GPHN: variants seen among roughly 807,000 people sequenced by gnomAD.
GPHN encodes gephyrin.
Under a neutral mutation model 95.5 loss-of-function variants are expected in GPHN, and 17 were observed. That is an observed-to-expected ratio of 0.18 (90% CI 0.12 to 0.27). GPHN has a LOEUF of 0.27. Among genes scored for constraint, GPHN ranks in the 10% least tolerant of loss-of-function variants. The pLI is 1.00. For missense variants in GPHN, 660 were observed against 978.1 expected, an observed-to-expected ratio of 0.67 and a Z score of 4.34; for synonymous variants, 320 against 322.5, an observed-to-expected ratio of 0.99 and a Z score of 0.08.
chr14:66,886,812 T>TA (rs199997857), intron 5 of GPHN, among the ~76,000 whole-genome samples: 1,661 of 152,260 alleles, frequency 0.011, 18 homozygotes, highest in Middle Eastern at 0.017. Flanking sequence ...GAAAGGGGCT[T>TA]ACCAGAGCAA....
the GPHN span, among the ~76,000 whole-genome samples, chr14:67,278,111 A>G: frequency 6.7e-6 from 1 of 149,832 alleles, no homozygotes; most frequent in Non-Finnish European, 1.5e-5. Flanking sequence ...ATCTCAGCTC[A>G]CTGCGGCCTC....
chr14:66,908,335 A>G (rs1012247724), intron 5 of GPHN, among the ~76,000 whole-genome samples: 2 of 152,180 alleles, frequency 1.3e-5, no homozygotes, highest in African/African-American at 2.4e-5. Context: ...ATAGGAGTCA[A>G]TTGACATCTC....
At position 66,534,051 on chromosome 14, in the gene GPHN, C is replaced by A. The variant is rs577731641; in HGVS notation, c.64+25460C>A. Among the ~76,000 whole-genome samples the A allele has an allele frequency of 1.4e-4, 21 of 152,242 alleles. No individual in the cohort carries two copies. The Middle Eastern group carries it at 0.017, about 123-fold the overall frequency. ...GTCTTGGGTATTTTTGAAGAATTATCCAGTGTATCCTTTATTGTAAGAAGA... is the reference window on the plus strand; with the variant it reads ...GTCTTGGGTATTTTTGAAGAATTATACAGTGTATCCTTTATTGTAAGAAGA... On this transcript the variant is annotated intron_variant, in intron 1 of 22. Coordinates refer to ENST00000478722, the MANE Select transcript of GPHN (RefSeq NM_020806.5).
At chr14:67,437,621 G>T in the GPHN span, among the ~76,000 whole-genome samples, 1 of 152,192 alleles carries the variant, frequency 6.6e-6, no homozygotes, top group Non-Finnish European at 1.5e-5. Context: ...TAGCATCCAG[G>T]GGGAAGAGGA....
chr14:67,211,299 A>G, the GPHN span, among the ~76,000 whole-genome samples: 72 of 152,330 alleles, frequency 4.7e-4, no homozygotes, highest in African/African-American at 1.7e-3. Flanking sequence ...GATAGGTTCA[A>G]GCAAACTGAA....
chr14:67,069,035 G>T (rs1267114958), intron 11 of GPHN, among the ~76,000 whole-genome samples: 1 of 152,108 alleles, frequency 6.6e-6, no homozygotes, highest in Non-Finnish European at 1.5e-5. Flanking sequence ...GGTATACTTA[G>T]AAGTAGCTTT....
At chr14:67,017,695 T>G (rs1197175244) in intron 9 of GPHN, among the ~76,000 whole-genome samples, 1 of 152,104 alleles carries the variant, frequency 6.6e-6, no homozygotes, top group Non-Finnish European at 1.5e-5. Flanking sequence ...TAGAAAACTT[T>G]TATTGGACTC....
At chr14:66,843,336 C>G (rs1213820310) in intron 4 of GPHN, among the ~76,000 whole-genome samples, 1 of 152,166 alleles carries the variant, frequency 6.6e-6, no homozygotes, top group East Asian at 1.9e-4. Context: ...TGCCATCTGC[C>G]TGCCTGATCT....
Position 67,034,382 on chromosome 14 carries a change from G to T in GPHN, c.1006+10707G>T, listed in dbSNP as rs1371162963. On this transcript the variant is annotated intron_variant, in intron 10 of 22. Coordinates refer to ENST00000478722, the MANE Select transcript of GPHN (RefSeq NM_020806.5). ...CATATCGATAATGCAAAGGAAGACA[G>T]CAAGAGGGAAAAAGAGGGACTAAAT... Among the ~76,000 whole-genome samples, 5 of 152,186 alleles carry T rather than the reference G, an allele frequency of 3.3e-5. No individual in the cohort carries two copies. The East Asian group carries it at 7.7e-4, about 23-fold the overall frequency.
chr14:67,048,357 T>C (rs746514610), intron 10 of GPHN, among the ~76,000 whole-genome samples: 5 of 152,184 alleles, frequency 3.3e-5, no homozygotes, highest in Non-Finnish European at 7.3e-5. Flanking sequence ...AACTAAAATA[T>C]AGTCAACCTC....
the GPHN span, among the ~76,000 whole-genome samples, chr14:67,611,767 A>G: frequency 2.0e-5 from 3 of 152,202 alleles, no homozygotes; most frequent in Non-Finnish European, 4.4e-5. Context: ...CAATTTTTCC[A>G]CAGACCAGGG....
At chr14:67,123,656 A>G (rs914015016) in intron 17 of GPHN, among the ~76,000 whole-genome samples, 1 of 152,204 alleles carries the variant, frequency 6.6e-6, no homozygotes, top group African/African-American at 2.4e-5. Context: ...AGCCTGGGAA[A>G]CAGAGTGAGA....
At chr14:66,774,806 T>G (rs1173595337) in intron 2 of GPHN, among the ~76,000 whole-genome samples, 1 of 152,212 alleles carries the variant, frequency 6.6e-6, no homozygotes, top group Non-Finnish European at 1.5e-5. Flanking sequence ...TTTCAACTAT[T>G]TTTTCTCTGT....
intron 1 of GPHN, among the ~76,000 whole-genome samples, chr14:66,585,391 A>G (rs775200972): frequency 1.4e-4 from 21 of 151,210 alleles, no homozygotes; most frequent in Non-Finnish European, 3.0e-4. Flanking sequence ...TATTTCCTTC[A>G]GTTCTGCTCT....
the GPHN span, among the ~76,000 whole-genome samples, chr14:67,406,538 G>A: frequency 2.0e-5 from 3 of 152,128 alleles, no homozygotes; most frequent in Admixed American, 6.5e-5. Context: ...TGGGGACCAA[G>A]GTGGCAAGGG....
At chr14:67,484,899 A>G in the GPHN span, among the ~76,000 whole-genome samples, 2 of 152,208 alleles carry the variant, frequency 1.3e-5, no homozygotes, top group Non-Finnish European at 2.9e-5. Context: ...TTTACTTGTC[A>G]TAACTGTTTT....
At chr14:66,772,330 C>G (rs1022770668) in intron 2 of GPHN, among the ~76,000 whole-genome samples, 2 of 152,214 alleles carry the variant, frequency 1.3e-5, no homozygotes, top group Non-Finnish European at 2.9e-5. Flanking sequence ...ACTTAGATAG[C>G]AGGCCCTGCT....
At chr14:67,141,139 T>C (rs779808067) in intron 17 of GPHN, among the ~76,000 whole-genome samples, 1 of 152,184 alleles carries the variant, frequency 6.6e-6, no homozygotes, top group Non-Finnish European at 1.5e-5. Context: ...AAACTTTTAC[T>C]TTTGGCCCTT....
chr14:67,731,207 C>CTTTTT, the GPHN span, among the ~76,000 whole-genome samples: 11 of 90,616 alleles, frequency 1.2e-4, no homozygotes, highest in African/African-American at 3.9e-4. Flanking sequence ...TTCTTTCTTT[C>CTTTTT]TTTTTTTTTT....
Sources: allele counts gnomAD v4.1 joint callset (sites outside exome capture counted in the v4.1 genomes callset), GRCh38; gene constraint gnomAD v4.1.1; transcripts MANE v1.5; gene names NCBI Gene and HGNC (gene_info 2026-07-23, HGNC 2026-07-21).